The following CADPS2 variants were observed in gnomAD, a reference collection of about 807,000 sequenced individuals.
The protein encoded by CADPS2 is calcium-dependent secretion activator 2.
Under a neutral mutation model 172.5 loss-of-function variants are expected in CADPS2, and 93 were observed. That is an observed-to-expected ratio of 0.54 (90% CI 0.46 to 0.64). The LOEUF (loss-of-function observed/expected upper bound fraction) is 0.64. CADPS2 is among the 30% of genes least tolerant of loss of function. The pLI, the probability that CADPS2 is intolerant of heterozygous loss-of-function variation, is 0.00. For synonymous variants in CADPS2, 546 were observed against 555.2 expected (o/e 0.98, Z 0.23); for missense variants, 1,420 against 1,565.9 (o/e 0.91, Z 1.57).
At chr7:122,742,453 T>C (rs2092533785) in intron 1 of CADPS2, among the ~76,000 whole-genome samples, 1 of 152,014 alleles carries the variant, frequency 6.6e-6, no homozygotes, top group Non-Finnish European at 1.5e-5. Flanking sequence ...AGGAAAACAC[T>C]TTGAAAACTA....
chr7:122,817,923 C>T (rs898111754), intron 1 of CADPS2, among the ~76,000 whole-genome samples: 5 of 150,416 alleles, frequency 3.3e-5, no homozygotes, highest in Middle Eastern at 3.2e-3. Context: ...CCCTTATTTC[C>T]GTGCCCCAAC....
At chr7:122,605,782 AAATAC>A (rs1419926959) in intron 6 of CADPS2, among the ~76,000 whole-genome samples, 1 of 152,170 alleles carries the variant, frequency 6.6e-6, no homozygotes, top group African/African-American at 2.4e-5. Context: ...TATAATAAAT[AAATAC>A]ATTTATTAGA....
chr7:122,462,661 C>T (rs572260166), intron 14 of CADPS2, among the ~76,000 whole-genome samples: 5 of 152,022 alleles, frequency 3.3e-5, no homozygotes, highest in Non-Finnish European at 7.4e-5. Flanking sequence ...GAAAGGCTAA[C>T]GATGTGAACA....
At chr7:122,842,021 A>G (rs961720298) in intron 1 of CADPS2, among the ~76,000 whole-genome samples, 16 of 152,328 alleles carry the variant, frequency 1.1e-4, no homozygotes, top group Admixed American at 1.0e-3. Flanking sequence ...CTGGGTTAGC[A>G]GCAGCTGAGT....
intron 11 of CADPS2, among the ~76,000 whole-genome samples, chr7:122,489,442 C>T (rs2058098950): frequency 6.6e-6 from 1 of 152,048 alleles, no homozygotes; most frequent in Non-Finnish European, 1.5e-5. Context: ...AGTTAAAACA[C>T]TTGGTTTAGT....
At chr7:122,631,699 T>C (rs2076589456) in intron 3 of CADPS2, among the ~76,000 whole-genome samples, 1 of 151,312 alleles carries the variant, frequency 6.6e-6, no homozygotes. Context: ...CTTTTCTTTT[T>C]TTTTTAATTT....
At chr7:122,353,450 C>G (rs761287671) in intron 27 of CADPS2, among the ~76,000 whole-genome samples, 1 of 152,104 alleles carries the variant, frequency 6.6e-6, no homozygotes, top group Non-Finnish European at 1.5e-5. Flanking sequence ...TGAAGAGAGA[C>G]AGTTTCTTCT....
At chr7:122,398,825 G>A (rs1430074391) in intron 20 of CADPS2, among the ~76,000 whole-genome samples, 1 of 117,244 alleles carries the variant, frequency 8.5e-6, no homozygotes, top group African/African-American at 3.3e-5. Context: ...ATAGCACCCA[G>A]CCAAGAATCT....
intron 20 of CADPS2, among the ~76,000 whole-genome samples, chr7:122,402,062 G>C (rs943514449): frequency 6.6e-6 from 1 of 151,924 alleles, no homozygotes; most frequent in East Asian, 1.9e-4. Flanking sequence ...AATAGAAACC[G>C]AATTTGCTGT....
At chr7:122,697,834 T>C (rs748432559) in intron 2 of CADPS2, 1 of 1,607,580 alleles carries the variant, frequency 6.2e-7, no homozygotes, top group South Asian at 1.1e-5. Context: ...AGGCTGGATG[T>C]CATTATTCTG....
At chr7:122,706,291 ATATATG>A (rs2087460138) in intron 2 of CADPS2, among the ~76,000 whole-genome samples, 1 of 18,132 alleles carries the variant, frequency 5.5e-5, no homozygotes, top group African/African-American at 1.4e-4. Context: ...CAAGGAATAT[ATATATG>A]CTTATATATT....
rs938725618 is a variant in CADPS2 at position 122,429,962 on chromosome 7, G to A, written c.2476+8379C>T. Among the ~76,000 whole-genome samples, 8 of 151,418 alleles carry A rather than the reference G, an allele frequency of 5.3e-5. No homozygotes were observed. In the South Asian group the frequency reaches 8.3e-4, roughly 16 times the overall value. ...ATTTTATTTATTACTTATTGCTATC[G>A]TGTACAATGGAGTGTTAAATTAAAA... On this transcript the variant is annotated intron_variant, in intron 17 of 29. Transcript: ENST00000449022.
intron 2 of CADPS2, among the ~76,000 whole-genome samples, chr7:122,723,937 C>G (rs916628282): frequency 4.4e-4 from 66 of 150,456 alleles, no homozygotes; most frequent in African/African-American, 1.6e-3. Flanking sequence ...GACAGAAATC[C>G]AAACACCACA....
intron 2 of CADPS2, among the ~76,000 whole-genome samples, chr7:122,705,723 TATC>T (rs1385901074): frequency 6.2e-5 from 1 of 16,110 alleles, no homozygotes; most frequent in Non-Finnish European, 1.3e-4. Context: ...TTATATAATA[TATC>T]ATATATTATA....
intron 1 of CADPS2, among the ~76,000 whole-genome samples, chr7:122,841,601 T>C (rs1810518303): frequency 6.6e-6 from 1 of 152,188 alleles, no homozygotes; most frequent in Admixed American, 6.5e-5. Flanking sequence ...ATACTAATTT[T>C]CCTCAAGCTT....
At chr7:122,813,684 T>C (rs1453647930) in intron 1 of CADPS2, among the ~76,000 whole-genome samples, 1 of 152,128 alleles carries the variant, frequency 6.6e-6, no homozygotes. Flanking sequence ...AAAAACCGCA[T>C]TATTCTAAGG....
intron 1 of CADPS2, among the ~76,000 whole-genome samples, chr7:122,766,023 A>T (rs2093540733): frequency 6.6e-6 from 1 of 152,112 alleles, no homozygotes; most frequent in African/African-American, 2.4e-5. Flanking sequence ...GGAGGTTGGG[A>T]AATCTAAGAT....
chr7:122,757,195 G>A (rs1400545668), intron 1 of CADPS2, among the ~76,000 whole-genome samples: 1 of 152,130 alleles, frequency 6.6e-6, no homozygotes, highest in African/African-American at 2.4e-5. Flanking sequence ...TGCCCAGGCT[G>A]GAATGCAGTG....
At chr7:122,444,642 A>C (rs1007904168) in intron 15 of CADPS2, among the ~76,000 whole-genome samples, 5 of 152,080 alleles carry the variant, frequency 3.3e-5, no homozygotes, top group African/African-American at 1.2e-4. Context: ...CAATTTTTTA[A>C]ATTGGGTTAA....
Sources: gnomAD v4.1 joint callset for allele counts (sites outside exome capture counted in the v4.1 genomes callset) on GRCh38, gnomAD v4.1.1 for gene constraint, MANE v1.5 for transcripts, NCBI Gene and HGNC (gene_info 2026-07-23, HGNC 2026-07-21) for gene names.